Variants in STAB2 observed in about 807,000 individuals in gnomAD.
STAB2 encodes stabilin-2.
In STAB2, 288 loss-of-function variants were observed where a neutral mutation model predicts 338.1. The ratio of observed to expected loss-of-function variants is 0.85; its 90% CI spans 0.77 to 0.94. STAB2 has a LOEUF of 0.94. Ranked by LOEUF, STAB2 falls within the 40% of genes least tolerant of loss-of-function variation. STAB2 has a pLI of 0.00. For synonymous variants in STAB2, 1,202 were observed against 1,193.3 expected (o/e 1.01, Z -0.15); for missense variants, 3,141 against 3,210.1 (o/e 0.98, Z 0.52).
At chr12:103,711,630 T>G (rs1212055928) in intron 40 of STAB2, 114 bp downstream of exon 40, 1 of 1,254,208 alleles carries the variant, frequency 8.0e-7, no homozygotes, top group Non-Finnish European at 1.1e-6. Flanking sequence ...TTCTGAGGGC[T>G]TAGGATAAAC....
chr12:103,608,240 G>A (rs1042615423), intron 3 of STAB2, among the ~76,000 whole-genome samples: 10 of 152,144 alleles, frequency 6.6e-5, no homozygotes, highest in Non-Finnish European at 5.9e-5. Context: ...ATGGGTTCAC[G>A]CCATTCTCCT....
At chr12:103,748,108 TCA>T (rs1260992105) in intron 58 of STAB2, among the ~76,000 whole-genome samples, 2 of 152,182 alleles carry the variant, frequency 1.3e-5, no homozygotes, top group Admixed American at 6.5e-5. Context: ...GGATAAATAT[TCA>T]CAGAGATATA....
At chr12:103,657,535 A>G (rs1874285106) in intron 15 of STAB2, 1 of 152,168 alleles carries the variant, frequency 6.6e-6, no homozygotes, top group Non-Finnish European at 1.5e-5. Context: ...TAGATTGTGT[A>G]CATCTCTTCT....
chr12:103,750,496 T>A, intron 59 of STAB2, 83 bp from the exon 60 acceptor site: 1 of 1,563,544 alleles, frequency 6.4e-7, no homozygotes, highest in East Asian at 2.3e-5. Flanking sequence ...CCTCCTAGGC[T>A]GGACATTGGT....
intron 68 of STAB2, among the ~76,000 whole-genome samples, chr12:103,765,221 C>T (rs1472016108): frequency 1.3e-5 from 2 of 152,106 alleles, no homozygotes; most frequent in African/African-American, 4.8e-5. Flanking sequence ...CCAATGCACC[C>T]CATGCCTTCC....
At chr12:103,743,793 G>A (rs550843457) in intron 56 of STAB2, among the ~76,000 whole-genome samples, 3 of 152,332 alleles carry the variant, frequency 2.0e-5, no homozygotes, top group East Asian at 1.9e-4. Flanking sequence ...AAGCCAGCTT[G>A]GTGTGTACAG....
At chr12:103,702,138 T>TAA (rs34319571) in intron 34 of STAB2, among the ~76,000 whole-genome samples, 2 of 145,906 alleles carry the variant, frequency 1.4e-5, no homozygotes, top group African/African-American at 5.1e-5. Context: ...TGTTCTTCCC[T>TAA]AAAAAAAAAA....
chr12:103,696,201 C>T (rs919315590), intron 33 of STAB2, among the ~76,000 whole-genome samples: 2 of 151,888 alleles, frequency 1.3e-5, no homozygotes, highest in African/African-American at 4.9e-5. Context: ...CTGGTTCTAG[C>T]CCGAGTGATG....
At chr12:103,754,963 T>G (rs1883984430) in intron 61 of STAB2, 1 of 215,512 alleles carries the variant, frequency 4.6e-6, no homozygotes, top group East Asian at 1.1e-4. Context: ...AAAAAAAAAT[T>G]TGAGTTCTAT....
chr12:103,614,925 G>C (rs1436261669), intron 3 of STAB2, among the ~76,000 whole-genome samples: 4 of 152,196 alleles, frequency 2.6e-5, no homozygotes, highest in South Asian at 4.1e-4. Flanking sequence ...TCCCTATTTG[G>C]TAGGTGTTAA....
At chr12:103,638,985 T>C (rs78430184) in intron 8 of STAB2, among the ~76,000 whole-genome samples, 308 of 152,312 alleles carry the variant, frequency 2.0e-3, no homozygotes, top group African/African-American at 7.1e-3. Context: ...TAGAATTCCC[T>C]GCAGAGAATC....
intron 66 of STAB2, among the ~76,000 whole-genome samples, 165 bp from the exon 67 acceptor site, chr12:103,762,109 T>G (rs2139245134): frequency 6.6e-6 from 1 of 152,368 alleles, no homozygotes; most frequent in South Asian, 2.1e-4. Context: ...AATGGGTTAT[T>G]TCACAGAAGG....
Position 103,688,234 on chromosome 12 carries a change from A to C in STAB2, c.3045+19A>C. The C allele has an allele frequency of 6.2e-7, 1 of 1,611,526 alleles. No individual in the cohort carries two copies. Among genetic ancestry groups the C allele is most frequent in the Non-Finnish European group, 8.5e-7 (1 of 1,177,748 alleles). ...GATAAATGTGAGTACCTTTATTGGG[A>C]CTTAGGATTGGGAATGTATATATTT... On this transcript the variant is annotated intron_variant, in intron 28 of 68. Coordinates refer to ENST00000388887, the MANE Select transcript of STAB2 (RefSeq NM_017564.10).
At chr12:103,696,128 A>G (rs1878384846) in intron 33 of STAB2, among the ~76,000 whole-genome samples, 2 of 152,146 alleles carry the variant, frequency 1.3e-5, no homozygotes, top group South Asian at 4.1e-4. Context: ...GTAAATATGA[A>G]CAAAGGAAGC....
intron 24 of STAB2, among the ~76,000 whole-genome samples, chr12:103,677,081 T>C (rs1176120013): frequency 6.6e-6 from 1 of 152,172 alleles, no homozygotes; most frequent in Non-Finnish European, 1.5e-5. Flanking sequence ...GTTGCCACAT[T>C]ATACAGGCCC....
At chr12:103,698,485 C>T (rs1037626519) in intron 33 of STAB2, among the ~76,000 whole-genome samples, 5 of 151,114 alleles carry the variant, frequency 3.3e-5, no homozygotes, top group Non-Finnish European at 5.9e-5. Context: ...AGCTCTGCCC[C>T]GGGGAGCCTG....
chr12:103,761,276 T>C (rs1884517438), intron 65 of STAB2, 24 bp from the exon 66 acceptor site: 1 of 1,608,384 alleles, frequency 6.2e-7, no homozygotes. Context: ...GTAAAAGCCA[T>C]CAACCCTCTT....
intron 15 of STAB2, among the ~76,000 whole-genome samples, chr12:103,658,489 A>G (rs1874360884): frequency 6.6e-6 from 1 of 152,116 alleles, no homozygotes; most frequent in Non-Finnish European, 1.5e-5. Context: ...GCTTCTTGTC[A>G]AAAGGATACA....
intron 27 of STAB2, among the ~76,000 whole-genome samples, chr12:103,685,422 C>CTGTGTGTGTGTGTGTG (rs141365936): frequency 8.5e-4 from 124 of 145,888 alleles, no homozygotes; most frequent in East Asian, 2.7e-3. Flanking sequence ...CTTACCCATG[C>CTGTGTGTGTGTGTGTG]TGTGTGTGTG....
Sources: allele counts gnomAD v4.1 joint callset (sites outside exome capture counted in the v4.1 genomes callset), GRCh38; gene constraint gnomAD v4.1.1; transcripts MANE v1.5; gene names NCBI Gene and HGNC (gene_info 2026-07-23, HGNC 2026-07-21).